The following MYO6 variants were observed in gnomAD, a reference collection of about 807,000 sequenced individuals.
MYO6 encodes the protein myosin VI.
In MYO6, 74 loss-of-function variants were observed where a neutral mutation model predicts 178.7. The observed-to-expected ratio is 0.41, with a 90% confidence interval of 0.34 to 0.50. MYO6 has a LOEUF of 0.50. MYO6 is among the 20% of genes least tolerant of loss of function. MYO6 has a pLI of 0.09. For missense variants in MYO6, 1,330 were observed against 1,547.4 expected (o/e 0.86, Z 2.36); for synonymous variants, 477 against 504.6 (o/e 0.95, Z 0.73).
chr6:75,798,006 T>C (rs570078883), intron 1 of MYO6, among the ~76,000 whole-genome samples: 1 of 152,340 alleles, frequency 6.6e-6, no homozygotes, highest in East Asian at 1.9e-4. Flanking sequence ...CTTGTCAGTT[T>C]TTGTTTTTGT....
At chr6:75,854,307 T>G (rs11459276) in intron 11 of MYO6, among the ~76,000 whole-genome samples, 43 of 110,176 alleles carry the variant, frequency 3.9e-4, no homozygotes, top group African/African-American at 1.3e-3. Flanking sequence ...TTTTTTTTTT[T>G]GCTATTCTCT....
At chr6:75,855,918 C>T (rs961652572) in intron 12 of MYO6, among the ~76,000 whole-genome samples, 2 of 152,124 alleles carry the variant, frequency 1.3e-5, no homozygotes, top group Admixed American at 6.6e-5. Context: ...TTATCTCTTA[C>T]TAATAAGATA....
At chr6:75,821,482 T>A (rs1399191857) in intron 2 of MYO6, among the ~76,000 whole-genome samples, 8 of 152,156 alleles carry the variant, frequency 5.3e-5, no homozygotes, top group Non-Finnish European at 8.8e-5. Context: ...TTCTCCACAT[T>A]TATAACATTA....
chr6:75,890,011 C>G, intron 25 of MYO6, 46 bp from the exon 26 acceptor site: 1 of 1,338,646 alleles, frequency 7.5e-7, no homozygotes, highest in Non-Finnish European at 1.1e-6. Context: ...TGTTGTGCAA[C>G]AGAAGAAATA....
intron 6 of MYO6, among the ~76,000 whole-genome samples, chr6:75,833,946 C>G (rs1456708287): frequency 1.3e-5 from 2 of 152,196 alleles, no homozygotes; most frequent in Non-Finnish European, 2.9e-5. Flanking sequence ...CTATAGATTA[C>G]TGAAAGCCAG....
chr6:75,909,411 A>G (rs893927034), intron 32 of MYO6, among the ~76,000 whole-genome samples: 3 of 152,230 alleles, frequency 2.0e-5, no homozygotes, highest in Non-Finnish European at 2.9e-5. Flanking sequence ...TTATTTTACA[A>G]TACTGCAAAT....
At chr6:75,776,018 G>A (rs1464146003) in intron 1 of MYO6, among the ~76,000 whole-genome samples, 1 of 152,030 alleles carries the variant, frequency 6.6e-6, no homozygotes, top group Admixed American at 6.5e-5. Context: ...CCTGTGTCCT[G>A]GTCCTTGTCC....
In MYO6 at chr6:75,915,756, A is replaced by G. The variant is rs2149436998; in HGVS notation, c.*744A>G. 1 of 152,748 alleles carries G rather than the reference A, an allele frequency of 6.5e-6. No individual in the cohort carries two copies. Among genetic ancestry groups the G allele is most frequent in the South Asian group, 2.1e-4 (1 of 4,830 alleles). The allele number at this position is 152,748 out of a possible 1,614,324, so 9.5% of individuals were successfully genotyped here. A position where few individuals can be genotyped will look rare whatever the true frequency, so the allele number is the denominator to read the frequency against. On this transcript the variant is annotated 3_prime_UTR_variant, in exon 35 of 35. Transcript: ENST00000369977. ...GAAATTCAGATTGTTTAAATGCCTA[A>G]AAGTTTTGAGATAAGTTTTGTTTCA...
chr6:75,891,220 T>C lies in MYO6; in HGVS notation c.2868-8T>C. ...TAAATTTTTGAAGAGTTTTCTATTT[T>C]TTATTAGGAAACTTGAGATGGAAGC... is the stretch of plus-strand genomic sequence containing the variant. On this transcript the variant is annotated splice_region_variant and splice_polypyrimidine_tract_variant and intron_variant, in intron 26 of 34. Transcript: ENST00000369977. 6.3e-7 allele frequency: 1 copy of C among 1,584,478 alleles called. No individual in the cohort carries two copies. Among genetic ancestry groups the C allele is most frequent in the Middle Eastern group, 1.7e-4 (1 of 6,000 alleles).
intron 30 of MYO6, among the ~76,000 whole-genome samples, chr6:75,899,785 G>A (rs1393520932): frequency 2.0e-5 from 3 of 147,392 alleles, no homozygotes; most frequent in East Asian, 4.0e-4. Context: ...TGCACAATGT[G>A]CAGGTTAGTT....
At chr6:75,780,024 C>T (rs1294907446) in intron 1 of MYO6, among the ~76,000 whole-genome samples, 2 of 152,298 alleles carry the variant, frequency 1.3e-5, no homozygotes, top group Non-Finnish European at 1.5e-5. Flanking sequence ...ATTCTGGATT[C>T]TGACTGTCTT....
chr6:75,778,286 T>C (rs1351918047), intron 1 of MYO6, among the ~76,000 whole-genome samples: 3 of 152,166 alleles, frequency 2.0e-5, no homozygotes, highest in Admixed American at 2.0e-4. Context: ...TGAATATAAG[T>C]AAAATAAATA....
chr6:75,912,174 G>A (rs764727080), intron 33 of MYO6, among the ~76,000 whole-genome samples: 1 of 151,996 alleles, frequency 6.6e-6, no homozygotes, highest in African/African-American at 2.4e-5. Context: ...ATAGGAAGAG[G>A]AGATTATTCT....
chr6:75,770,800 C>T (rs1168120752), intron 1 of MYO6, among the ~76,000 whole-genome samples: 1 of 151,944 alleles, frequency 6.6e-6, no homozygotes, highest in Non-Finnish European at 1.5e-5. Context: ...TAGGCATTTT[C>T]CAATGACCAT....
intron 14 of MYO6, 94 bp from the exon 15 acceptor site, chr6:75,860,929 C>T (rs1776147720): frequency 2.1e-6 from 2 of 965,718 alleles, no homozygotes; most frequent in African/African-American, 3.2e-5. Context: ...TAAACCTTTG[C>T]ATTCTAATTA....
At chr6:75,860,990 C>T (rs1408535158) in intron 14 of MYO6, 33 bp from the exon 15 acceptor site, 1 of 1,421,424 alleles carries the variant, frequency 7.0e-7, no homozygotes, top group Admixed American at 1.7e-5. Flanking sequence ...CTCAGTATTG[C>T]TGTATCTATG....
chr6:75,914,160 C>T lies in MYO6; in HGVS notation c.3537C>T (p.Ala1179=), dbSNP rs371212410. 7.2e-5 allele frequency: 116 copies of T among 1,613,958 alleles called. No homozygotes were observed. Among genetic ancestry groups the T allele is most frequent in the Admixed American group, 1.2e-4 (7 of 59,988 alleles). ...RFFRIPFIRP[A]DQYKDPQSKK... ...TCCGCATCCCATTCATCCGCCCTGC[C>T]GACCAGTACAAAGACCCTCAGAGTA... Residue 1179 remains alanine, a synonymous_variant, in exon 34 of 35, where the codon GCC becomes GCT. Transcript: ENST00000369977.
intron 1 of MYO6, among the ~76,000 whole-genome samples, chr6:75,776,588 T>C (rs543411701): frequency 2.0e-5 from 3 of 152,190 alleles, no homozygotes; most frequent in Non-Finnish European, 4.4e-5. Context: ...AGCACTACTA[T>C]CATTTTGGTG....
At position 75,881,851 on chromosome 6, in the gene MYO6, T is replaced by A. The variant is rs576726909; in HGVS notation, c.2416+33T>A. Reference sequence around the variant, plus strand: ...TTTTCCTTTACACCTATAGGATCTTTCATTGTTTCAAGATGGTTTGTGGAG... The same window carrying A: ...TTTTCCTTTACACCTATAGGATCTTACATTGTTTCAAGATGGTTTGTGGAG... On this transcript the variant is annotated intron_variant, in intron 23 of 34. Transcript: ENST00000369977. 6 of 1,610,872 alleles carry A rather than the reference T, an allele frequency of 3.7e-6. No homozygotes were observed. The African/African-American group carries it at 8.0e-5, about 21-fold the overall frequency.
Sources: gnomAD v4.1 joint callset for allele counts (sites outside exome capture counted in the v4.1 genomes callset) on GRCh38, gnomAD v4.1.1 for gene constraint, MANE v1.5 for transcripts, NCBI Gene and HGNC (gene_info 2026-07-23, HGNC 2026-07-21) for gene names.